The following PHACTR4 variants were observed in gnomAD, a reference collection of about 807,000 sequenced individuals.
PHACTR4 encodes protein phosphatase 1, regulatory subunit 124.
PHACTR4 carries 51 observed loss-of-function variants against 72.7 expected under a neutral mutation model. The ratio of observed to expected loss-of-function variants is 0.70; its 90% CI spans 0.56 to 0.89. The LOEUF (loss-of-function observed/expected upper bound fraction) is 0.89, where lower values mean the gene tolerates loss of function less well. Among genes scored for constraint, PHACTR4 ranks in the 40% least tolerant of loss-of-function variants. PHACTR4 has a pLI of 0.00. For missense variants in PHACTR4, 731 were observed against 861.8 expected (o/e 0.85, Z 1.90); for synonymous variants, 255 against 302.5 (o/e 0.84, Z 1.63).
intron 2 of PHACTR4, among the ~76,000 whole-genome samples, chr1:28,421,278 A>G (rs1039341777): frequency 2.6e-5 from 4 of 151,962 alleles, no homozygotes; most frequent in South Asian, 2.1e-4. Context: ...ACACATACAC[A>G]CTCACATGTT....
intron 4 of PHACTR4, among the ~76,000 whole-genome samples, chr1:28,464,335 G>A (rs753239249): frequency 6.6e-6 from 1 of 152,158 alleles, no homozygotes; most frequent in African/African-American, 2.4e-5. Flanking sequence ...CCCCAAACAC[G>A]TTGAATAACT....
chr1:28,485,814 G>C (rs1029754934), intron 9 of PHACTR4, among the ~76,000 whole-genome samples: 1 of 147,590 alleles, frequency 6.8e-6, no homozygotes, highest in Non-Finnish European at 1.5e-5. Context: ...CAGGAGAATC[G>C]CTTGAACCTG....
chr1:28,403,940 A>G (rs1173036110), intron 1 of PHACTR4, among the ~76,000 whole-genome samples: 1 of 152,122 alleles, frequency 6.6e-6, no homozygotes, highest in African/African-American at 2.4e-5. Flanking sequence ...GTCCCGTTGT[A>G]TTAATTTTGT....
chr1:28,426,365 G>A (rs570731227), intron 2 of PHACTR4, among the ~76,000 whole-genome samples: 45 of 151,398 alleles, frequency 3.0e-4, no homozygotes, highest in African/African-American at 9.2e-4. Context: ...CTGATGAAAC[G>A]TGGAATTGGG....
At chr1:28,407,566 C>A in intron 2 of PHACTR4, 103 bp downstream of exon 2, 1 of 969,714 alleles carries the variant, frequency 1.0e-6, no homozygotes, top group Non-Finnish European at 1.6e-6. Flanking sequence ...ATTCAGTATG[C>A]TACTCTCTAG....
At chr1:28,401,131 G>A (rs1653913327) in intron 1 of PHACTR4, among the ~76,000 whole-genome samples, 1 of 152,106 alleles carries the variant, frequency 6.6e-6, no homozygotes, top group Admixed American at 6.6e-5. Flanking sequence ...TTGTAAGCAA[G>A]CACATAATTA....
At chr1:28,443,963 A>G (rs1308404143) in intron 2 of PHACTR4, among the ~76,000 whole-genome samples, 2 of 151,744 alleles carry the variant, frequency 1.3e-5, no homozygotes, top group Non-Finnish European at 2.9e-5. Context: ...GCTGGATCAT[A>G]TGGTAGCGCT....
chr1:28,446,915 C>T (rs573715254), intron 2 of PHACTR4, among the ~76,000 whole-genome samples: 14 of 152,292 alleles, frequency 9.2e-5, no homozygotes, highest in African/African-American at 3.4e-4. Context: ...CAGGCAGATA[C>T]TAGCATCATT....
chr1:28,480,449 A>G lies in PHACTR4; in HGVS notation c.1607-2A>G. On this transcript the variant is annotated splice_acceptor_variant, in intron 8 of 13. Coordinates refer to ENST00000373839, the MANE Select transcript of PHACTR4 (RefSeq NM_001048183.3). LOFTEE classifies it high-confidence loss of function. ...ACATTTTTTTCTTCCCCGTGTGCAA[A>G]GGTGCTCTCGCCAACAAAGTGAAGA... 2 of 1,613,776 alleles carry G rather than the reference A, an allele frequency of 1.2e-6. No homozygotes were observed. The highest frequency in any genetic ancestry group is 1.7e-6 in the Non-Finnish European group (2 of 1,179,820).
chr1:28,383,208 T>C (rs1311595585), intron 1 of PHACTR4, among the ~76,000 whole-genome samples: 1 of 152,222 alleles, frequency 6.6e-6, no homozygotes, highest in Non-Finnish European at 1.5e-5. Context: ...TTCTGTTCTA[T>C]TGGTCTATGT....
At chr1:28,381,207 T>C (rs1445294035) in intron 1 of PHACTR4, among the ~76,000 whole-genome samples, 2 of 150,774 alleles carry the variant, frequency 1.3e-5, no homozygotes, top group African/African-American at 2.4e-5. Context: ...GGTTTCACCA[T>C]GTTGGCAGTC....
At chr1:28,411,571 CAAAG>C (rs1194939449) in intron 2 of PHACTR4, among the ~76,000 whole-genome samples, 1 of 151,962 alleles carries the variant, frequency 6.6e-6, no homozygotes, top group African/African-American at 2.4e-5. Context: ...TGTCATTTGA[CAAAG>C]AAAAGAATTG....
In PHACTR4 at chr1:28,497,958, TG is replaced by T. The variant is rs1269900234; in HGVS notation, c.*1410del. On this transcript the variant is annotated 3_prime_UTR_variant, in exon 14 of 14. Transcript: ENST00000373839. ...TTGCAGTGAGCCGAGATCGCGCCAC[TG>T]CACTCCAGCCTGGGTGACAGAGCGA... 1.4e-5 allele frequency: 2 copies of T among 146,990 alleles called. No homozygotes were observed. The highest frequency in any genetic ancestry group is 5.2e-5 in the African/African-American group (2 of 38,796). 9.1% of individuals were successfully genotyped at this position (146,990 alleles called of 1,614,324 possible). A position where few individuals can be genotyped will look rare whatever the true frequency, so the allele number is the denominator to read the frequency against.
At chr1:28,423,294 A>G (rs1198578600) in intron 2 of PHACTR4, among the ~76,000 whole-genome samples, 20 of 152,136 alleles carry the variant, frequency 1.3e-4, no homozygotes, top group Admixed American at 1.3e-3. Flanking sequence ...CTATAGTCCC[A>G]GCTATTTAAG....
chr1:28,466,842 T>C, intron 6 of PHACTR4, 74 bp downstream of exon 6: 1 of 1,509,364 alleles, frequency 6.6e-7, no homozygotes. Flanking sequence ...TGATAACTGG[T>C]ACAACATTGA....
At chr1:28,445,849 A>T (rs1444303423) in intron 2 of PHACTR4, among the ~76,000 whole-genome samples, 4 of 152,106 alleles carry the variant, frequency 2.6e-5, no homozygotes, top group African/African-American at 4.8e-5. Context: ...AGCCATGATC[A>T]TGTCACTGCA....
intron 2 of PHACTR4, among the ~76,000 whole-genome samples, chr1:28,455,725 T>A (rs995885183): frequency 1.6e-4 from 25 of 152,104 alleles, no homozygotes; most frequent in African/African-American, 6.0e-4. Context: ...TGATTCCAAG[T>A]ATTTGGACAG....
chr1:28,487,727 G>GTTGTTTTTT (rs1660774578), intron 9 of PHACTR4, among the ~76,000 whole-genome samples: 1 of 63,304 alleles, frequency 1.6e-5, no homozygotes, highest in African/African-American at 5.6e-5. Flanking sequence ...GTTTTTTGTT[G>GTTGTTTTTT]TTTTTTTTTT....
chr1:28,454,486 G>A (rs1314836562), intron 2 of PHACTR4, among the ~76,000 whole-genome samples: 1 of 151,400 alleles, frequency 6.6e-6, no homozygotes, highest in Admixed American at 6.6e-5. Flanking sequence ...CCATGGTCTC[G>A]ATCTCCTGAC....
Sources: gnomAD v4.1 joint callset for allele counts (sites outside exome capture counted in the v4.1 genomes callset) on GRCh38, gnomAD v4.1.1 for gene constraint, MANE v1.5 for transcripts, NCBI Gene and HGNC (gene_info 2026-07-23, HGNC 2026-07-21) for gene names.